CROT: variants seen among roughly 807,000 people sequenced by gnomAD.
CROT encodes the protein carnitine O-octanoyltransferase.
A neutral mutation model predicts 89.2 loss-of-function variants in CROT; 84 were observed. That is an observed-to-expected ratio of 0.94 (90% CI 0.79 to 1.13). CROT has a LOEUF of 1.13. Ranked by LOEUF, CROT falls within the 50% of genes most tolerant of loss-of-function variation. The pLI, the probability that CROT is intolerant of heterozygous loss-of-function variation, is 0.00. For missense variants in CROT, 711 were observed against 727.8 expected (o/e 0.98, Z 0.27); for synonymous variants, 212 against 239.5 (o/e 0.89, Z 1.06).
At chr7:87,378,059 T>C (rs1359997053) in intron 10 of CROT, among the ~76,000 whole-genome samples, 1 of 152,010 alleles carries the variant, frequency 6.6e-6, no homozygotes, top group Non-Finnish European at 1.5e-5. Flanking sequence ...TAAAGGGGTT[T>C]GGGGCTGGGT....
chr7:87,350,519 T>A (rs1220932150), intron 3 of CROT, among the ~76,000 whole-genome samples: 1 of 152,088 alleles, frequency 6.6e-6, no homozygotes, highest in African/African-American at 2.4e-5. Flanking sequence ...TGTCATCAAC[T>A]ATGGTGGGCC....
chr7:87,374,189 G>T (rs1326637811), intron 7 of CROT, among the ~76,000 whole-genome samples: 1 of 152,008 alleles, frequency 6.6e-6, no homozygotes, highest in African/African-American at 2.4e-5. Context: ...TAGATGTGTA[G>T]CTGAAAAACA....
rs1452887453 is a variant in CROT at position 87,398,996 on chromosome 7, C to T, written c.*352C>T. The T allele has an allele frequency of 4.7e-6, 1 of 213,082 alleles. No individual in the cohort carries two copies. The highest frequency in any genetic ancestry group is 2.4e-5 in the African/African-American group (1 of 42,230). 13.2% of individuals were successfully genotyped at this position (213,082 alleles called of 1,614,324 possible). ...GTTGGTACTTACATGGGTTATAAAT[C>T]CTCTCTCTGGACATCAATGTAGAGT... On this transcript the variant is annotated 3_prime_UTR_variant, in exon 18 of 18. Transcript: ENST00000331536.
chr7:87,391,844 G>A, intron 14 of CROT, 132 bp downstream of exon 14: 2 of 891,916 alleles, frequency 2.2e-6, no homozygotes, highest in Non-Finnish European at 3.3e-6. Context: ...TCTTTTCTGA[G>A]GTTTTTAAAG....
Position 87,398,757 on chromosome 7 carries a change from A to G in CROT, c.*113A>G. On this transcript the variant is annotated 3_prime_UTR_variant, in exon 18 of 18. Transcript: ENST00000331536. ...TTGACTTGCTAACATTCCTTTAACA[A>G]GTTAAGAAAACTTGTTAAATGTAGA... The G allele has an allele frequency of 9.9e-7, 1 of 1,010,818 alleles. No individual in the cohort carries two copies. 62.6% of individuals were successfully genotyped at this position (1,010,818 alleles called of 1,614,324 possible).
At chr7:87,379,186 C>T (rs1215636803) in intron 10 of CROT, among the ~76,000 whole-genome samples, 7 of 152,130 alleles carry the variant, frequency 4.6e-5, no homozygotes, top group African/African-American at 1.7e-4. Flanking sequence ...CAGTTGGTTA[C>T]CCTCTGCATA....
chr7:87,378,888 A>G (rs1261687764), intron 10 of CROT, among the ~76,000 whole-genome samples: 4 of 152,236 alleles, frequency 2.6e-5, no homozygotes, highest in African/African-American at 9.6e-5. Context: ...ATTGGTTAAT[A>G]GGCACTGAAA....
At chr7:87,359,565 G>A (rs915774457) in intron 4 of CROT, 62 of 1,254,436 alleles carry the variant, frequency 4.9e-5, no homozygotes, top group Non-Finnish European at 5.9e-5. Context: ...TGGCTGGAAT[G>A]AGGCCCAGAG....
chr7:87,379,781 G>C (rs759034038), intron 10 of CROT, among the ~76,000 whole-genome samples: 3 of 152,124 alleles, frequency 2.0e-5, no homozygotes, highest in Non-Finnish European at 4.4e-5. Flanking sequence ...TGATTATAGA[G>C]GGTGCAGTTT....
At chr7:87,361,311 C>A in intron 4 of CROT, 79 bp from the exon 5 acceptor site, 1 of 1,332,960 alleles carries the variant, frequency 7.5e-7, no homozygotes, top group Non-Finnish European at 1.1e-6. Flanking sequence ...ACAAATATAG[C>A]TTGCTTTTTA....
At chr7:87,363,360 C>T (rs904905802) in intron 6 of CROT, among the ~76,000 whole-genome samples, 1 of 152,170 alleles carries the variant, frequency 6.6e-6, no homozygotes, top group African/African-American at 2.4e-5. Context: ...AGATTAGTAA[C>T]TACATGGCAA....
intron 4 of CROT, among the ~76,000 whole-genome samples, chr7:87,360,400 G>A (rs1246634653): frequency 6.6e-6 from 1 of 152,144 alleles, no homozygotes; most frequent in Non-Finnish European, 1.5e-5. Context: ...AAGTGCAGTG[G>A]TGCAGTCTCG....
At chr7:87,369,573 T>A in intron 7 of CROT, 89 bp downstream of exon 7, 1 of 664,840 alleles carries the variant, frequency 1.5e-6, no homozygotes, top group Middle Eastern at 2.7e-4. Flanking sequence ...TTCAAGGTGA[T>A]AGTAAGCTGA....
chr7:87,361,413 T>C lies in CROT; in HGVS notation c.264T>C (p.Val88=), dbSNP rs561811108. 3.7e-5 allele frequency: 60 copies of C among 1,613,476 alleles called. 1 individual carries two copies. Among genetic ancestry groups the C allele is most frequent in the South Asian group, 1.6e-4 (15 of 90,910 alleles). Residue 88 remains valine, a synonymous_variant, in exon 5 of 18, where the codon GTT becomes GTC. Transcript: ENST00000331536. ...AGCTGGAAGAGTGGTGGCTGAATGT[T>C]GCCTATCTGGATGTTCGTATACCAT... ...RNWLEEWWLN[V]AYLDVRIPSQ... is the part of the protein sequence containing the mutation.
rs185218502 is a variant in CROT at position 87,372,440 on chromosome 7, A to C, written c.656+2956A>C. On this transcript the variant is annotated intron_variant, in intron 7 of 17. Transcript: ENST00000331536. Reference sequence around the variant, plus strand: ...AAATTTGACATATAATTATTAGATCAGGCTTATTAATTGGATTATTCAAAG... The same window carrying C: ...AAATTTGACATATAATTATTAGATCCGGCTTATTAATTGGATTATTCAAAG... 1.8e-3 allele frequency among the ~76,000 whole-genome samples: 272 copies of C among 152,352 alleles called. 1 individual carries two copies. Among genetic ancestry groups the C allele is most frequent in the African/African-American group, 5.6e-3 (233 of 41,586 alleles).
At chr7:87,351,324 A>AAAAAAAAAG (rs1562926356) in intron 3 of CROT, among the ~76,000 whole-genome samples, 1 of 151,286 alleles carries the variant, frequency 6.6e-6, no homozygotes, top group African/African-American at 2.4e-5. Context: ...AAAAAAAAAA[A>AAAAAAAAAG]AAAAAAAAGA....
At chr7:87,365,964 A>G (rs544492118) in intron 6 of CROT, among the ~76,000 whole-genome samples, 3 of 152,252 alleles carry the variant, frequency 2.0e-5, no homozygotes, top group African/African-American at 7.2e-5. Context: ...TAATTCAGTC[A>G]TACCTTTCAT....
intron 3 of CROT, among the ~76,000 whole-genome samples, chr7:87,355,732 A>G (rs988326373): frequency 3.3e-5 from 5 of 152,184 alleles, no homozygotes; most frequent in Non-Finnish European, 7.3e-5. Flanking sequence ...TGAGACTCAA[A>G]TAGGTTATCC....
At chr7:87,359,165 T>C in intron 3 of CROT, 41 bp from the exon 4 acceptor site, 1 of 1,329,958 alleles carries the variant, frequency 7.5e-7, no homozygotes, top group South Asian at 1.2e-5. Flanking sequence ...GAGTTGGTGG[T>C]ACTTGGTCTA....
Sources: gnomAD v4.1 joint callset for allele counts (sites outside exome capture counted in the v4.1 genomes callset) on GRCh38, gnomAD v4.1.1 for gene constraint, MANE v1.5 for transcripts, NCBI Gene and HGNC (gene_info 2026-07-23, HGNC 2026-07-21) for gene names.